The following CCDC32 variants were observed in gnomAD, a reference collection of about 807,000 sequenced individuals.
CCDC32 encodes coiled-coil domain-containing protein 32.
CCDC32 carries 9 observed loss-of-function variants against 20.1 expected under a neutral mutation model. The ratio of observed to expected loss-of-function variants is 0.45; its 90% CI spans 0.27 to 0.78. The LOEUF (loss-of-function observed/expected upper bound fraction) is 0.78, where lower values mean the gene tolerates loss of function less well. CCDC32 is among the 30% of genes least tolerant of loss of function. The pLI is 0.16. For missense variants in CCDC32, 204 were observed against 215.5 expected, an observed-to-expected ratio of 0.95 and a Z score of 0.33; for synonymous variants, 63 against 79.0, an observed-to-expected ratio of 0.80 and a Z score of 1.07.
At chr15:40,535,369 A>G, downstream of CCDC32, 1 of 1,082,478 alleles carries the variant, frequency 9.2e-7, no homozygotes, top group Non-Finnish European at 1.1e-6. Flanking sequence ...CACTGAACAG[A>G]AATATTACAG....
downstream of CCDC32, chr15:40,532,213 G>A (rs532238431): frequency 4.4e-5 from 30 of 683,348 alleles, no homozygotes; most frequent in Non-Finnish European, 7.0e-5. Flanking sequence ...GGTTTTGTGC[G>A]TTCATATGGA....
intron 3 of CCDC32, among the ~76,000 whole-genome samples, chr15:40,543,183 A>C (rs1889473184): frequency 6.6e-6 from 1 of 152,022 alleles, no homozygotes; most frequent in African/African-American, 2.4e-5. Context: ...AAAAGAAAAG[A>C]AAGAATGCCT....
chr15:40,530,592 T>A (rs1437280117), downstream of CCDC32, among the ~76,000 whole-genome samples: 1 of 150,962 alleles, frequency 6.6e-6, no homozygotes, highest in African/African-American at 2.4e-5. Context: ...CGCTTTGCCT[T>A]CCACCATGAT....
At chr15:40,522,672 T>A in the CCDC32 span, among the ~76,000 whole-genome samples, 1 of 152,210 alleles carries the variant, frequency 6.6e-6, no homozygotes, top group Non-Finnish European at 1.5e-5. Flanking sequence ...CAGATGGTTC[T>A]AGTTTATTCT....
intron 3 of CCDC32, chr15:40,529,566 GT>G (rs1439662893): frequency 6.6e-6 from 1 of 151,926 alleles, no homozygotes; most frequent in Non-Finnish European, 1.5e-5. Flanking sequence ...AAAATAAAAA[GT>G]GAGTACTCTC....
chr15:40,524,739 CTTTTTTTTTTTTT>C (rs758786719), downstream of CCDC32, among the ~76,000 whole-genome samples: 57 of 95,158 alleles, frequency 6.0e-4, no homozygotes, highest in Non-Finnish European at 8.2e-4. Context: ...CTTTTTCTTT[CTTTTTTTTTTTTT>C]TTTTTTTTTT....
downstream of CCDC32, among the ~76,000 whole-genome samples, chr15:40,551,280 G>C (rs561051070): frequency 2.6e-5 from 4 of 152,024 alleles, no homozygotes; most frequent in South Asian, 8.3e-4. Flanking sequence ...TACTCGGGAG[G>C]CTGAGGCAGG....
At chr15:40,546,317 A>G (rs1260152318) in intron 3 of CCDC32, among the ~76,000 whole-genome samples, 1 of 151,110 alleles carries the variant, frequency 6.6e-6, no homozygotes, top group East Asian at 2.0e-4. Flanking sequence ...TCAGCCTCCC[A>G]AGTAGCTGGG....
the CCDC32 span, among the ~76,000 whole-genome samples, chr15:40,522,901 A>G: frequency 7.0e-5 from 10 of 143,426 alleles, no homozygotes; most frequent in Non-Finnish European, 1.2e-4. Context: ...AGTCTCACTC[A>G]CTGCAACTTC....
At chr15:40,528,068 G>A (rs1894921841), downstream of CCDC32, among the ~76,000 whole-genome samples, 1 of 152,164 alleles carries the variant, frequency 6.6e-6, no homozygotes, top group Admixed American at 6.5e-5. Flanking sequence ...ACAGAAATCA[G>A]CCTCAGCGGT....
At chr15:40,546,545 C>T (rs1466044679) in intron 3 of CCDC32, among the ~76,000 whole-genome samples, 3 of 152,034 alleles carry the variant, frequency 2.0e-5, no homozygotes, top group Non-Finnish European at 4.4e-5. Context: ...TCTGTTCATG[C>T]AAGTTGCCCA....
chr15:40,532,360 G>T, downstream of CCDC32: 1 of 700,058 alleles, frequency 1.4e-6, no homozygotes, highest in South Asian at 1.5e-5. Context: ...TTGGATTGAA[G>T]ATAAATGTTT....
chr15:40,543,910 C>T (rs1218100756), intron 3 of CCDC32, among the ~76,000 whole-genome samples: 1 of 152,188 alleles, frequency 6.6e-6, no homozygotes, highest in Non-Finnish European at 1.5e-5. Context: ...ACTACTATGT[C>T]CCAGGTACAC....
chr15:40,530,291 C>CAAAAA (rs3068017), downstream of CCDC32, among the ~76,000 whole-genome samples: 8 of 99,534 alleles, frequency 8.0e-5, no homozygotes, highest in East Asian at 2.9e-4. Context: ...AACTACATCT[C>CAAAAA]AAAAAAAAAA....
downstream of CCDC32, chr15:40,539,136 A>T: frequency 1.1e-6 from 1 of 926,308 alleles, no homozygotes; most frequent in Non-Finnish European, 1.7e-6. Flanking sequence ...AGAGGGAAGT[A>T]GTTGTTGCTG....
chr15:40,536,429 G>C (rs1176717942), downstream of CCDC32: 2 of 152,382 alleles, frequency 1.3e-5, no homozygotes, highest in Non-Finnish European at 2.9e-5. Context: ...AACAGCTACA[G>C]GAGATGGCTG....
At chr15:40,526,936 A>C (rs541691733), downstream of CCDC32, among the ~76,000 whole-genome samples, 1 of 152,218 alleles carries the variant, frequency 6.6e-6, no homozygotes, top group East Asian at 1.9e-4. Context: ...AAATATACTG[A>C]ATTTTTTATT....
At chr15:40,543,275 C>T (rs1456188885) in intron 3 of CCDC32, among the ~76,000 whole-genome samples, 1 of 152,156 alleles carries the variant, frequency 6.6e-6, no homozygotes, top group Non-Finnish European at 1.5e-5. Flanking sequence ...TGAGGTGTGA[C>T]CAGCTGCACA....
chr15:40,534,686 T>C, downstream of CCDC32: 1 of 545,914 alleles, frequency 1.8e-6, no homozygotes, highest in South Asian at 2.2e-5. Flanking sequence ...TCTCATTGTA[T>C]CCTCACATGG....
Sources: gnomAD v4.1 joint callset for allele counts (sites outside exome capture counted in the v4.1 genomes callset) on GRCh38, gnomAD v4.1.1 for gene constraint, MANE v1.5 for transcripts, NCBI Gene and HGNC (gene_info 2026-07-23, HGNC 2026-07-21) for gene names.